Variants in RAB27B observed in about 807,000 individuals in gnomAD.
RAB27B encodes the protein ras-related protein Rab-27B.
In RAB27B, 15 loss-of-function variants were observed where a neutral mutation model predicts 24.6. The observed-to-expected ratio is 0.61, with a 90% confidence interval of 0.41 to 0.94. The LOEUF is 0.94. Among genes scored for constraint, RAB27B ranks in the 40% least tolerant of loss-of-function variants. RAB27B has a pLI of 0.00. For missense variants in RAB27B, 261 were observed against 266.8 expected (o/e 0.98, Z 0.15); for synonymous variants, 105 against 92.5 (o/e 1.14, Z -0.78).
At chr18:54,764,162 G>T (rs1361365371) in intron 2 of RAB27B, among the ~76,000 whole-genome samples, 3 of 152,062 alleles carry the variant, frequency 2.0e-5, no homozygotes, top group Non-Finnish European at 4.4e-5. Context: ...AGATGTCATT[G>T]ACCCTGTGTT....
chr18:54,797,803 T>C (rs1464295074), intron 2 of RAB27B, among the ~76,000 whole-genome samples: 1 of 152,232 alleles, frequency 6.6e-6, no homozygotes, highest in African/African-American at 2.4e-5. Flanking sequence ...AGTTTGTAGA[T>C]TTTTAAAGAC....
chr18:54,823,502 AAAGAC>A (rs1485878787), upstream of RAB27B, among the ~76,000 whole-genome samples: 3 of 152,336 alleles, frequency 2.0e-5, no homozygotes, highest in South Asian at 6.2e-4. Context: ...TCATGCTACT[AAAGAC>A]AAGAGAGAAG....
At chr18:54,775,658 C>T (rs1180305715) in intron 2 of RAB27B, among the ~76,000 whole-genome samples, 1 of 152,162 alleles carries the variant, frequency 6.6e-6, no homozygotes, top group Non-Finnish European at 1.5e-5. Context: ...TCTTCATCAA[C>T]TTCTATATCC....
At position 54,841,658 on chromosome 18, in the gene RAB27B, C is replaced by G. The variant is rs1401406861; in HGVS notation, c.-20+12958C>G. On this transcript the variant is annotated intron_variant, in intron 1 of 5. Coordinates refer to ENST00000262094, the MANE Select transcript of RAB27B (RefSeq NM_004163.4). ...TTTCTAAGCCAAATTTAGCCAACTA[C>G]CAGGATAAGAGGTGGGCTTATAAAT... 3.9e-5 allele frequency among the ~76,000 whole-genome samples: 6 copies of G among 152,056 alleles called. No homozygotes were observed. The South Asian group carries it at 6.2e-4, about 16-fold the overall frequency.
At chr18:54,780,235 C>A (rs7228686) in intron 2 of RAB27B, among the ~76,000 whole-genome samples, 1 of 131,782 alleles carries the variant, frequency 7.6e-6, no homozygotes, top group East Asian at 2.2e-4. Flanking sequence ...TCCAGACAAC[C>A]TCCCCCTCAC....
intron 1 of RAB27B, among the ~76,000 whole-genome samples, chr18:54,859,752 G>A (rs1911938167): frequency 6.6e-6 from 1 of 152,282 alleles, no homozygotes; most frequent in Middle Eastern, 3.4e-3. Context: ...GTTTTATATC[G>A]GAAAACACTA....
In RAB27B at chr18:54,772,394, G is replaced by T. The variant is rs776345285; in HGVS notation, c.-20+54253G>T. Among the ~76,000 whole-genome samples, 97 of 152,182 alleles carry T rather than the reference G, an allele frequency of 6.4e-4. 1 individual carries two copies. Among genetic ancestry groups the T allele is most frequent in the Non-Finnish European group, 2.1e-4 (14 of 68,032 alleles). ...AACAGCATGTGCAAATGAAGACTGG[G>T]AATTAGAGCTCTCCTGCCTCTTCTG... On this transcript the variant is annotated intron_variant, in intron 2 of 4. Transcript: ENST00000586570.
chr18:54,854,038 G>A (rs1911687479), intron 1 of RAB27B, among the ~76,000 whole-genome samples: 1 of 151,980 alleles, frequency 6.6e-6, no homozygotes, highest in Non-Finnish European at 1.5e-5. Context: ...CATAACTTTA[G>A]TTTTAGGGAT....
At chr18:54,760,188 C>T (rs553852352) in intron 2 of RAB27B, among the ~76,000 whole-genome samples, 16 of 152,306 alleles carry the variant, frequency 1.1e-4, no homozygotes, top group Admixed American at 5.9e-4. Flanking sequence ...CCAGCCCCTG[C>T]ACCCACTTAC....
rs368575112 is a variant in RAB27B at position 54,877,630 on chromosome 18, C to T, written c.45C>T (p.Leu15=). 40 of 1,591,604 alleles carry T rather than the reference C, an allele frequency of 2.5e-5. No individual in the cohort carries two copies. The highest frequency in any genetic ancestry group is 1.3e-4 in the Admixed American group (7 of 53,630). Residue 15 remains leucine, a synonymous_variant, in exon 2 of 6, where the codon CTC becomes CTT. Coordinates refer to ENST00000262094, the MANE Select transcript of RAB27B (RefSeq NM_004163.4). ...DYDYLIKLLA[L]GDSGVGKTTF... ...ATTATCTGATCAAACTCCTGGCCCT[C>T]GGGGATTCAGGGGTGGGGAAGACAA...
intron 2 of RAB27B, among the ~76,000 whole-genome samples, chr18:54,728,176 C>CA (rs1909602100): frequency 6.6e-6 from 1 of 152,100 alleles, no homozygotes; most frequent in Non-Finnish European, 1.5e-5. Flanking sequence ...AAAAAAGCTC[C>CA]AGAAAAATTC....
chr18:54,790,253 A>G (rs1050361657), intron 2 of RAB27B, among the ~76,000 whole-genome samples: 5 of 152,194 alleles, frequency 3.3e-5, no homozygotes, highest in African/African-American at 1.2e-4. Context: ...TTAAGAGAAA[A>G]AAAAGATATA....
At chr18:54,857,300 C>T (rs1911823861) in intron 1 of RAB27B, among the ~76,000 whole-genome samples, 1 of 152,210 alleles carries the variant, frequency 6.6e-6, no homozygotes, top group Non-Finnish European at 1.5e-5. Flanking sequence ...CTGTTCTCTT[C>T]TGCCCATCCG....
rs1912405235 is a variant in RAB27B at position 54,870,162 on chromosome 18, A to G, written c.-19-7405A>G. Reference sequence around the variant, plus strand: ...AACCACAGATTGTTTCAAAAACAAGACAAATTTTACTTATGAATACCAATT... The same window carrying G: ...AACCACAGATTGTTTCAAAAACAAGGCAAATTTTACTTATGAATACCAATT... On this transcript the variant is annotated intron_variant, in intron 1 of 5. Transcript: ENST00000262094. Among the ~76,000 whole-genome samples the G allele has an allele frequency of 1.3e-5, 2 of 152,218 alleles. 1 individual carries two copies. The highest frequency in any genetic ancestry group is 4.1e-4 in the South Asian group (2 of 4,834).
chr18:54,853,160 T>G (rs905808510), intron 1 of RAB27B, among the ~76,000 whole-genome samples: 1 of 152,188 alleles, frequency 6.6e-6, no homozygotes, highest in African/African-American at 2.4e-5. Flanking sequence ...CTTGACGTTC[T>G]TTTTGAAAAC....
At chr18:54,740,243 T>C (rs1450659319) in intron 2 of RAB27B, among the ~76,000 whole-genome samples, 1 of 152,220 alleles carries the variant, frequency 6.6e-6, no homozygotes, top group Non-Finnish European at 1.5e-5. Flanking sequence ...TTATTTCTTA[T>C]AGTTTCTATT....
At chr18:54,736,277 G>A (rs143219322) in intron 2 of RAB27B, among the ~76,000 whole-genome samples, 236 of 152,222 alleles carry the variant, frequency 1.6e-3, no homozygotes, top group African/African-American at 5.2e-3. Flanking sequence ...AGTAACTTTC[G>A]TATTCAATAG....
intron 2 of RAB27B, among the ~76,000 whole-genome samples, chr18:54,802,955 G>A (rs1021250910): frequency 2.6e-5 from 4 of 152,098 alleles, no homozygotes; most frequent in African/African-American, 9.7e-5. Context: ...GCTTACATAA[G>A]CATTTTGATT....
chr18:54,895,314 T>G lies in RAB27B; in HGVS notation c.*5901T>G, dbSNP rs1201320366. On this transcript the variant is annotated 3_prime_UTR_variant, in exon 6 of 6. Transcript: ENST00000262094. ...ACTTAAAACTATAAACTTGAAGTTT[T>G]TATTCTATATGCCCCTTAATAGACT... 2.0e-5 allele frequency: 3 copies of G among 152,090 alleles called. No individual in the cohort carries two copies. The highest frequency in any genetic ancestry group is 7.2e-5 in the African/African-American group (3 of 41,450). The allele number at this position is 152,090 out of a possible 1,614,324, so 9.4% of individuals were successfully genotyped here. A position where few individuals can be genotyped will look rare whatever the true frequency, so the allele number is the denominator to read the frequency against.
Sources: allele counts gnomAD v4.1 joint callset (sites outside exome capture counted in the v4.1 genomes callset), GRCh38; gene constraint gnomAD v4.1.1; transcripts MANE v1.5; gene names NCBI Gene and HGNC (gene_info 2026-07-23, HGNC 2026-07-21).